Variants in PDZD2 observed in about 807,000 individuals in gnomAD.
The protein encoded by PDZD2 is PDZ domain-containing protein 2.
In PDZD2, 90 loss-of-function variants were observed where a neutral mutation model predicts 220.7. That is an observed-to-expected ratio of 0.41 (90% CI 0.34 to 0.49). PDZD2 has a LOEUF of 0.49. Ranked by LOEUF, PDZD2 falls within the 20% of genes least tolerant of loss-of-function variation. The probability of loss-of-function intolerance (pLI) is 0.28; values close to 1 mark genes in which losing one functional copy is unlikely to be tolerated. For synonymous variants in PDZD2, 1,375 were observed against 1,450.5 expected, an observed-to-expected ratio of 0.95 and a Z score of 1.18; for missense variants, 3,174 against 3,608.5, an observed-to-expected ratio of 0.88 and a Z score of 3.08.
intron 24 of PDZD2, among the ~76,000 whole-genome samples, chr5:32,102,807 G>A (rs76051794): frequency 0.02 from 3,012 of 152,220 alleles, 106 homozygotes; most frequent in African/African-American, 0.07. Context: ...AATGCAAGCT[G>A]GGTGTGGTAG....
At chr5:31,761,248 AG>A (rs1751634775) in intron 1 of PDZD2, among the ~76,000 whole-genome samples, 1 of 152,216 alleles carries the variant, frequency 6.6e-6, no homozygotes, top group Admixed American at 6.5e-5. Context: ...AAAAATAACA[AG>A]GGCAGCAGCG....
At chr5:32,040,090 C>T (rs1339590003) in intron 7 of PDZD2, among the ~76,000 whole-genome samples, 16 of 145,994 alleles carry the variant, frequency 1.1e-4, no homozygotes, top group Non-Finnish European at 2.2e-4. Flanking sequence ...GCGCTTCTGC[C>T]CTGCCACCCC....
intron 23 of PDZD2, chr5:32,100,172 C>T (rs1744124756): frequency 6.5e-6 from 1 of 153,544 alleles, no homozygotes. Flanking sequence ...AGTAAATGTC[C>T]TTCAGACCCT....
intron 2 of PDZD2, among the ~76,000 whole-genome samples, chr5:31,886,642 G>A (rs1341367341): frequency 6.6e-6 from 1 of 152,086 alleles, no homozygotes; most frequent in South Asian, 2.1e-4. Flanking sequence ...CCCAGTGACT[G>A]TTACAGGTAG....
chr5:31,934,477 C>T (rs1350075927), intron 2 of PDZD2, among the ~76,000 whole-genome samples: 3 of 152,062 alleles, frequency 2.0e-5, no homozygotes, highest in Non-Finnish European at 4.4e-5. Context: ...TTCTTTATCT[C>T]ATCAGTAAAA....
At chr5:32,008,665 C>T (rs1753046343) in intron 5 of PDZD2, among the ~76,000 whole-genome samples, 1 of 152,158 alleles carries the variant, frequency 6.6e-6, no homozygotes, top group South Asian at 2.1e-4. Flanking sequence ...TATGTGAGCT[C>T]TGGGCTAGGC....
chr5:31,910,381 T>C, intron 2 of PDZD2, among the ~76,000 whole-genome samples: 1 of 147,650 alleles, frequency 6.8e-6, no homozygotes, highest in Admixed American at 7.0e-5. Context: ...CCACCATGCC[T>C]GGCTAATTTT....
chr5:31,701,808 C>T (rs114783422), intron 1 of PDZD2, among the ~76,000 whole-genome samples: 2,500 of 152,312 alleles, frequency 0.016, 70 homozygotes, highest in African/African-American at 0.057. Flanking sequence ...CGCCGACACA[C>T]GAGAATAGTT....
At chr5:31,943,962 A>T (rs10940983) in intron 2 of PDZD2, among the ~76,000 whole-genome samples, 56,127 of 152,008 alleles carry the variant, frequency 0.37, 10,741 homozygotes, top group East Asian at 0.66. Context: ...CACAAATGAT[A>T]TTCATTATTT....
rs760859768 is a variant in PDZD2, at chr5:32,088,175, G to T, written c.4727G>T (p.Gly1576Val). Residue 1576 changes from glycine to valine, a missense_variant, in exon 20 of 25, where the codon GGC becomes GTC. Physicochemically the swap from Gly to Val is moderately radical, Grantham distance 109. Around this residue, in one of 4 missense-constraint regions of PDZD2, gnomAD observed 1,861 missense variants for 2,001.0 expected, o/e 0.93. Transcript: ENST00000438447. This position sits in a 1 kb window ranked among gnomAD's most constrained non-coding sequence, Gnocchi z 4.6. ...TEAPRASARDGWSPPRSRVSL... is the reference protein window; with the variant it reads ...TEAPRASARDVWSPPRSRVSL... ...GCCCCACGAGCTTCTGCCAGGGACG[G>T]CTGGTCCCCTCCTCGTTCCCGTGTG... 1 of 1,614,116 alleles carries T rather than the reference G, an allele frequency of 6.2e-7. No individual in the cohort carries two copies. The highest frequency in any genetic ancestry group is 8.5e-7 in the Non-Finnish European group (1 of 1,179,978).
rs192893556 is a variant in PDZD2 at position 31,829,375 on chromosome 5, T to G, written c.476+29651T>G. The stretch of plus-strand genomic sequence containing the variant: ...GACAGTCTTGCTCTGTTGCCAAGGC[T>G]GGAGTGCAGTGGCATGATCTCAGCT... On this transcript the variant is annotated intron_variant, in intron 2 of 24. Transcript: ENST00000438447. 2.7e-3 allele frequency among the ~76,000 whole-genome samples: 414 copies of G among 151,608 alleles called. 3 individuals are homozygous for G. The highest frequency in any genetic ancestry group is 6.8e-3 in the Middle Eastern group (2 of 294).
Position 32,000,032 on chromosome 5 carries a change from C to G in PDZD2, c.1122-107C>G. 1.1e-6 allele frequency: 1 copy of G among 917,168 alleles called. No homozygotes were observed. 56.8% of individuals were successfully genotyped at this position (917,168 alleles called of 1,614,324 possible). ...GGCCATCACAGTATCCTCTTTAGCC[C>G]AATCTTAACCGTCCCTCCTCACAAC... On this transcript the variant is annotated intron_variant, in intron 4 of 24. Transcript: ENST00000438447. The surrounding 1 kb of genome is among the most constrained non-coding windows in gnomAD (Gnocchi z 4.5).
At position 31,949,876 on chromosome 5, in the gene PDZD2, G is replaced by A. The variant is rs976753799; in HGVS notation, c.477-33279G>A. Among the ~76,000 whole-genome samples the A allele has an allele frequency of 1.5e-4, 22 of 148,396 alleles. No homozygotes were observed. The South Asian group carries it at 2.6e-3, about 17-fold the overall frequency. Reference sequence around the variant, plus strand: ...TTTTTTAATTTTTAGTAGAGATGGCGTTTCACCATGTTGGCCAGGCTGGTC... The same window carrying A: ...TTTTTTAATTTTTAGTAGAGATGGCATTTCACCATGTTGGCCAGGCTGGTC... On this transcript the variant is annotated intron_variant, in intron 2 of 24. Coordinates refer to ENST00000438447, the MANE Select transcript of PDZD2 (RefSeq NM_178140.4).
chr5:31,873,537 A>T (rs565030865), intron 2 of PDZD2, among the ~76,000 whole-genome samples: 35 of 124,806 alleles, frequency 2.8e-4, no homozygotes, highest in South Asian at 2.5e-3. Context: ...AATTCTTTTT[A>T]TTTATTTATT....
At chr5:31,752,566 TA>T (rs1415857937) in intron 1 of PDZD2, among the ~76,000 whole-genome samples, 3 of 148,564 alleles carry the variant, frequency 2.0e-5, no homozygotes, top group South Asian at 2.1e-4. Flanking sequence ...AATAAATAAA[TA>T]AAATAAAATA....
At chr5:32,042,407 CA>C (rs546222216) in intron 7 of PDZD2, among the ~76,000 whole-genome samples, 4,501 of 95,300 alleles carry the variant, frequency 0.047, 198 homozygotes, top group African/African-American at 0.14. Context: ...ACTAAAAATA[CA>C]AAAAAAAAAA....
In PDZD2 at chr5:31,967,888, G is replaced by A. The variant is rs966935290; in HGVS notation, c.477-15267G>A. On this transcript the variant is annotated intron_variant, in intron 2 of 24. Coordinates refer to ENST00000438447, the MANE Select transcript of PDZD2 (RefSeq NM_178140.4). ...GGTTTGGAAGCTTATTAGCACATGA[G>A]CTGGGCCAAGAAAGTAGAGAGATTT... 5.9e-5 allele frequency among the ~76,000 whole-genome samples: 9 copies of A among 152,224 alleles called. 1 individual carries two copies. The highest frequency in any genetic ancestry group is 2.9e-5 in the Non-Finnish European group (2 of 68,046).
intron 1 of PDZD2, among the ~76,000 whole-genome samples, chr5:31,684,594 C>T (rs999168312): frequency 6.7e-6 from 1 of 149,958 alleles, no homozygotes; most frequent in Non-Finnish European, 1.5e-5. Flanking sequence ...TAAACAGATA[C>T]ATCGCTCTGC....
chr5:31,746,938 G>A (rs1424447114), intron 1 of PDZD2, among the ~76,000 whole-genome samples: 1 of 152,238 alleles, frequency 6.6e-6, no homozygotes, highest in Non-Finnish European at 1.5e-5. Context: ...CACTTTGGGA[G>A]GCTGAGGCGT....
Sources: allele counts gnomAD v4.1 joint callset (sites outside exome capture counted in the v4.1 genomes callset), GRCh38; gene constraint gnomAD v4.1.1; regional missense constraint gnomAD v4.1.1; non-coding constraint Gnocchi (gnomAD v3.1); transcripts MANE v1.5; gene names NCBI Gene and HGNC (gene_info 2026-07-23, HGNC 2026-07-21).